Variants in RHCG observed in about 807,000 individuals in gnomAD.
The protein encoded by RHCG is ammonium transporter Rh type C.
RHCG carries 39 observed loss-of-function variants against 55.3 expected under a neutral mutation model. The ratio of observed to expected loss-of-function variants is 0.70; its 90% CI spans 0.55 to 0.92. The LOEUF (loss-of-function observed/expected upper bound fraction) is 0.92, where lower values mean the gene tolerates loss of function less well. Among genes scored for constraint, RHCG ranks in the 40% least tolerant of loss-of-function variants. RHCG has a pLI of 0.00. For missense variants in RHCG, 635 were observed against 627.9 expected (o/e 1.01, Z -0.12); for synonymous variants, 250 against 246.8 (o/e 1.01, Z -0.12).
At chr15:89,472,288 G>A (rs1961052299) in intron 10 of RHCG, among the ~76,000 whole-genome samples, 1 of 152,184 alleles carries the variant, frequency 6.6e-6, no homozygotes, top group Non-Finnish European at 1.5e-5. Flanking sequence ...AGTGTTAGTT[G>A]ACGGAAAGAA....
In RHCG at chr15:89,496,472, G is replaced by T. The variant is rs768657557; in HGVS notation, c.73C>A (p.Leu25Ile). The T allele has an allele frequency of 1.2e-6, 2 of 1,613,870 alleles. No homozygotes were observed. The highest frequency in any genetic ancestry group is 8.5e-7 in the Non-Finnish European group (1 of 1,179,962). ...TCGTAGCGCACGAACACCCCGAAGA[G>T]AATCACCATAATCACCTGCAGGAGC... ...CLLLQVIMVI[L>I]FGVFVRYDFE... The change falls in exon 1 of 11, where the codon CTC (leucine) becomes ATC (isoleucine). Residue 25 changes from leucine (L) to isoleucine (I), a missense_variant. Coordinates refer to ENST00000268122, the MANE Select transcript of RHCG (RefSeq NM_016321.3).
intron 9 of RHCG, 139 bp from the exon 10 acceptor site, chr15:89,473,002 G>A (rs1226863906): frequency 1.4e-5 from 14 of 1,008,666 alleles, no homozygotes; most frequent in Admixed American, 6.7e-5. Flanking sequence ...GCCACGGAGA[G>A]CAGGGTGGTC....
chr15:89,492,651 C>G (rs1308290020), intron 1 of RHCG, among the ~76,000 whole-genome samples: 1 of 152,218 alleles, frequency 6.6e-6, no homozygotes, highest in East Asian at 1.9e-4. Context: ...CAGCTCCTCT[C>G]GAACCTCCAT....
At position 89,496,358 on chromosome 15, in the gene RHCG, T is replaced by TA. The variant is rs1277108924; in HGVS notation, c.184+2dup. On this transcript the variant is annotated splice_region_variant and intron_variant, in intron 1 of 10. Transcript: ENST00000268122. ...CGCTGGGCCTGCAGGCGGCGAGACT[T>TA]ACTTGGGTAGCGATAGTAGAATTCG... 1.9e-6 allele frequency: 3 copies of TA among 1,613,616 alleles called. No individual in the cohort carries two copies. Among genetic ancestry groups the TA allele is most frequent in the Non-Finnish European group, 2.5e-6 (3 of 1,179,862 alleles).
chr15:89,479,925 T>C (rs1356529213), intron 4 of RHCG, among the ~76,000 whole-genome samples: 1 of 152,214 alleles, frequency 6.6e-6, no homozygotes. Context: ...GAAATGCACA[T>C]CTTGCCCTAG....
intron 1 of RHCG, among the ~76,000 whole-genome samples, chr15:89,492,375 G>A (rs541179346): frequency 2.0e-5 from 3 of 152,134 alleles, no homozygotes; most frequent in Admixed American, 6.5e-5. Flanking sequence ...ATCAGCACAC[G>A]AAGGATGGTG....
chr15:89,477,000 C>T, intron 8 of RHCG, 82 bp downstream of exon 8: 4 of 1,596,208 alleles, frequency 2.5e-6, no homozygotes, highest in African/African-American at 2.7e-5. Context: ...TCAGGCTGAC[C>T]TGTGCCGCAT....
Position 89,496,354 on chromosome 15 carries a change from G to C in RHCG, c.184+7C>G, listed in dbSNP as rs1193410278. 1.2e-6 allele frequency: 2 copies of C among 1,613,588 alleles called. No individual in the cohort carries two copies. The highest frequency in any genetic ancestry group is 1.7e-6 in the Non-Finnish European group (2 of 1,179,806). ...CCTCCGCTGGGCCTGCAGGCGGCGAGACTTACTTGGGTAGCGATAGTAGAA... is the reference window on the plus strand; with the variant it reads ...CCTCCGCTGGGCCTGCAGGCGGCGACACTTACTTGGGTAGCGATAGTAGAA... On this transcript the variant is annotated splice_region_variant and intron_variant, in intron 1 of 10. Transcript: ENST00000268122.
chr15:89,495,763 G>T (rs1369407942), intron 1 of RHCG, among the ~76,000 whole-genome samples: 1 of 152,230 alleles, frequency 6.6e-6, no homozygotes, highest in African/African-American at 2.4e-5. Flanking sequence ...GTTTAGGAAG[G>T]TTGGCATTTG....
intron 1 of RHCG, among the ~76,000 whole-genome samples, chr15:89,490,668 T>C (rs1961456718): frequency 6.7e-6 from 1 of 150,318 alleles, no homozygotes; most frequent in Non-Finnish European, 1.5e-5. Context: ...GGGAGGGGAG[T>C]TGGCAGGATG....
Position 89,471,470 on chromosome 15 carries a change from C to G in RHCG, c.*410G>C, listed in dbSNP as rs919782507. On this transcript the variant is annotated 3_prime_UTR_variant, in exon 11 of 11. Transcript: ENST00000268122. Reference sequence around the variant, plus strand: ...TGCCACGCACACAACACAGAGAGGTCTGGGGGACCCAGGGAGCATAGGAGA... The same window carrying G: ...TGCCACGCACACAACACAGAGAGGTGTGGGGGACCCAGGGAGCATAGGAGA... 1 of 152,486 alleles carries G rather than the reference C, an allele frequency of 6.6e-6. No homozygotes were observed. The highest frequency in any genetic ancestry group is 1.5e-5 in the Non-Finnish European group (1 of 68,260). 9.4% of individuals were successfully genotyped at this position (152,486 alleles called of 1,614,324 possible). A position where few individuals can be genotyped will look rare whatever the true frequency, so the allele number is the denominator to read the frequency against.
At chr15:89,472,938 A>G in intron 9 of RHCG, 75 bp from the exon 10 acceptor site, 1 of 1,379,326 alleles carries the variant, frequency 7.2e-7, no homozygotes, top group Non-Finnish European at 9.5e-7. Context: ...TAGAACCTGG[A>G]GCTGCAAATG....
Position 89,474,828 on chromosome 15 carries a change from TCCTGCCTGCCTTCCTTCCTG to T in RHCG, c.1311+1907_1311+1926del, listed in dbSNP as rs1567223949. On this transcript the variant is annotated intron_variant, in intron 9 of 10. Transcript: ENST00000268122. ...TGCCTTCCTTCCTGCCTGCCTTCCT[TCCTGCCTGCCTTCCTTCCTG>T]CCTGCCTGCCTTCCTTCCTGCCTGC... is the stretch of plus-strand genomic sequence containing the variant. Among the ~76,000 whole-genome samples the T allele has an allele frequency of 1.6e-3, 200 of 122,758 alleles. 8 individuals carry two copies. The highest frequency in any genetic ancestry group is 5.5e-3 in the African/African-American group (181 of 32,912). 80.5% of individuals were successfully genotyped at this position (122,758 alleles called of 152,430 possible). A position where few individuals can be genotyped will look rare whatever the true frequency, so the allele number is the denominator to read the frequency against.
chr15:89,479,665 A>G, intron 4 of RHCG, 177 bp from the exon 5 acceptor site: 1 of 611,266 alleles, frequency 1.6e-6, no homozygotes, highest in Non-Finnish European at 2.8e-6. Flanking sequence ...TGCCTTCCTT[A>G]CCCCCCACTT....
In RHCG at chr15:89,479,382, G is replaced by T. The variant is rs747672639; in HGVS notation, c.777C>A (p.Ala259=). 1.2e-6 allele frequency: 2 copies of T among 1,614,092 alleles called. No individual in the cohort carries two copies. Among genetic ancestry groups the T allele is most frequent in the Admixed American group, 3.3e-5 (2 of 60,008 alleles). ...ATATTGCCACCGAGGTAAGCACGCA[G>T]GCTGCCAAGGAGCAGTAGGTGTTGA... is the stretch of plus-strand genomic sequence containing the variant. ...AAINTYCSLA[A]CVLTSVAISS... The change falls in exon 5 of 11, where the codon GCC becomes GCA. Residue 259 remains alanine (A), a synonymous_variant. Transcript: ENST00000268122.
intron 9 of RHCG, among the ~76,000 whole-genome samples, chr15:89,473,662 A>G (rs190630798): frequency 2.4e-4 from 36 of 152,360 alleles, no homozygotes; most frequent in Admixed American, 2.0e-3. Flanking sequence ...TACAGCATTT[A>G]CATTGTGTTA....
chr15:89,486,585 AGAGAGAGAGAGAGAGTGT>A (rs1961366700), intron 2 of RHCG, 196 bp downstream of exon 2: 8 of 501,308 alleles, frequency 1.6e-5, no homozygotes, highest in African/African-American at 1.3e-4. Context: ...AGAGAGAGAG[AGAGAGAGAGAGAGAGTGT>A]GTGTGTGTGT....
At chr15:89,474,991 TGCCTTCCTTCCTTCCTGCCC>T (rs1287918708) in intron 9 of RHCG, among the ~76,000 whole-genome samples, 161 of 132,192 alleles carry the variant, frequency 1.2e-3, no homozygotes, top group Non-Finnish European at 1.7e-3. Flanking sequence ...CCTGCCTGCC[TGCCTTCCTTCCTTCCTGCCC>T]GCCTTCCTTC....
At chr15:89,479,300 C>A (rs768258288) in intron 5 of RHCG, 22 bp downstream of exon 5, 3 of 1,603,250 alleles carry the variant, frequency 1.9e-6, no homozygotes, top group Middle Eastern at 1.8e-4. Context: ...CAGAGCCACA[C>A]CCCCAACGCC....
Sources: gnomAD v4.1 joint callset for allele counts (sites outside exome capture counted in the v4.1 genomes callset) on GRCh38, gnomAD v4.1.1 for gene constraint, MANE v1.5 for transcripts, NCBI Gene and HGNC (gene_info 2026-07-23, HGNC 2026-07-21) for gene names.